PITPNA: variants seen among roughly 807,000 people sequenced by gnomAD.
The protein encoded by PITPNA is phosphatidylinositol transfer protein alpha.
A neutral mutation model predicts 50.3 loss-of-function variants in PITPNA; 13 were observed. That is an observed-to-expected ratio of 0.26 (90% confidence interval 0.17 to 0.41). The LOEUF is 0.41. Among genes scored for constraint, PITPNA ranks in the 10% least tolerant of loss-of-function variants. The pLI, the probability that PITPNA is intolerant of heterozygous loss-of-function variation, is 1.00. For synonymous variants in PITPNA, 120 were observed against 119.6 expected, an observed-to-expected ratio of 1.00 and a Z score of -0.02; for missense variants, 207 against 333.4, an observed-to-expected ratio of 0.62 and a Z score of 2.95.
At chr17:1,521,711 C>G in intron 10 of PITPNA, 66 bp from the exon 11 acceptor site, 1 of 1,372,596 alleles carries the variant, frequency 7.3e-7, no homozygotes, top group Non-Finnish European at 1.0e-6. Flanking sequence ...CCTTCTCAGT[C>G]CTGCCCATAG....
intron 10 of PITPNA, among the ~76,000 whole-genome samples, chr17:1,529,086 C>T (rs1206082971): frequency 1.8e-4 from 25 of 142,126 alleles, no homozygotes; most frequent in African/African-American, 5.5e-4. Flanking sequence ...TGCAGTGAGC[C>T]GAGATTGCGC....
At chr17:1,534,522 G>A (rs2075603344) in intron 9 of PITPNA, among the ~76,000 whole-genome samples, 1 of 152,162 alleles carries the variant, frequency 6.6e-6, no homozygotes, top group African/African-American at 2.4e-5. Flanking sequence ...GGCAAGCCAA[G>A]GGCCCCAAAC....
At chr17:1,532,197 C>T (rs2075587336) in intron 10 of PITPNA, among the ~76,000 whole-genome samples, 1 of 152,172 alleles carries the variant, frequency 6.6e-6, no homozygotes, top group Non-Finnish European at 1.5e-5. Flanking sequence ...AAGCGATTCT[C>T]CTGCCTCAGC....
chr17:1,553,594 C>T lies in PITPNA; in HGVS notation c.52-445G>A, dbSNP rs540762042. On this transcript the variant is annotated intron_variant, in intron 2 of 11. Coordinates refer to ENST00000313486, the MANE Select transcript of PITPNA (RefSeq NM_006224.4). ...GAGTCTACTTAACCTGACACCACCA[C>T]GCAGAAAACAGATTAGAGTCCAAAG... is the stretch of plus-strand genomic sequence containing the variant. Among the ~76,000 whole-genome samples, 7 of 152,214 alleles carry T rather than the reference C, an allele frequency of 4.6e-5. No homozygotes were observed. The South Asian group carries it at 8.3e-4, about 18-fold the overall frequency.
At position 1,543,012 on chromosome 17, in the gene PITPNA, A is replaced by G. The variant is rs1419892353; in HGVS notation, c.297+8T>C. The G allele has an allele frequency of 6.3e-7, 1 of 1,585,214 alleles. No individual in the cohort carries two copies. The highest frequency in any genetic ancestry group is 2.2e-5 in the East Asian group (1 of 44,782). On this transcript the variant is annotated splice_region_variant and intron_variant, in intron 5 of 11. Transcript: ENST00000313486. Reference sequence around the variant, plus strand: ...ATCTACAGTTCCAACCCCCTTGACAATACTTACTGTAATAACTGCTCCGAG... The same window carrying G: ...ATCTACAGTTCCAACCCCCTTGACAGTACTTACTGTAATAACTGCTCCGAG...
At chr17:1,561,172 G>C (rs79013565) in intron 1 of PITPNA, 1 of 151,982 alleles carries the variant, frequency 6.6e-6, no homozygotes, top group Non-Finnish European at 1.5e-5. Flanking sequence ...CTCCTCTTTG[G>C]GGAGAAAAAT....
In PITPNA at chr17:1,519,753, G is replaced by A; in HGVS notation, c.*808C>T. 1 of 152,536 alleles carries A rather than the reference G, an allele frequency of 6.6e-6. No individual in the cohort carries two copies. The highest frequency in any genetic ancestry group is 2.1e-4 in the South Asian group (1 of 4,816). 9.4% of individuals were successfully genotyped at this position (152,536 alleles called of 1,614,324 possible). On this transcript the variant is annotated 3_prime_UTR_variant, in exon 12 of 12. Transcript: ENST00000313486. ...GTCAGACAGTTGGTATCTAGGGGGTGACTCAATTCTAGGGGCCACACTGGA... is the reference window on the plus strand; with the variant it reads ...GTCAGACAGTTGGTATCTAGGGGGTAACTCAATTCTAGGGGCCACACTGGA...
At chr17:1,557,381 G>A (rs1209797718) in intron 2 of PITPNA, among the ~76,000 whole-genome samples, 2 of 152,234 alleles carry the variant, frequency 1.3e-5, no homozygotes, top group African/African-American at 2.4e-5. Context: ...TGGGAACAGA[G>A]TGGAAGTTAT....
At chr17:1,553,653 G>A (rs1484362186) in intron 2 of PITPNA, among the ~76,000 whole-genome samples, 2 of 152,148 alleles carry the variant, frequency 1.3e-5, no homozygotes, top group Non-Finnish European at 2.9e-5. Context: ...CTGGTATTAA[G>A]ACCCCAGAAG....
At position 1,548,280 on chromosome 17, in the gene PITPNA, C is replaced by T. The variant is rs377213145; in HGVS notation, c.289+16G>A. The T allele has an allele frequency of 6.6e-5, 103 of 1,565,496 alleles. No individual in the cohort carries two copies. In the East Asian group the frequency reaches 1.2e-3, roughly 19 times the overall value. On this transcript the variant is annotated intron_variant, in intron 4 of 11. Coordinates refer to ENST00000313486, the MANE Select transcript of PITPNA (RefSeq NM_006224.4). Reference sequence around the variant, plus strand: ...GCCCGCCCCTGCCTGGCCGACGTGGCCCCGGCTGCACTCACCGGTTCTGCA... The same window carrying T: ...GCCCGCCCCTGCCTGGCCGACGTGGTCCCGGCTGCACTCACCGGTTCTGCA...
intron 10 of PITPNA, among the ~76,000 whole-genome samples, chr17:1,533,728 G>A (rs911158016): frequency 6.6e-6 from 1 of 152,178 alleles, no homozygotes; most frequent in African/African-American, 2.4e-5. Context: ...TGGGTAATGT[G>A]CATGGTATTC....
At chr17:1,533,562 C>G (rs2075596800) in intron 10 of PITPNA, among the ~76,000 whole-genome samples, 1 of 152,186 alleles carries the variant, frequency 6.6e-6, no homozygotes, top group Non-Finnish European at 1.5e-5. Context: ...ATGAGAAGTG[C>G]TGGGTCTTTA....
chr17:1,528,032 A>T (rs978565608), intron 10 of PITPNA, among the ~76,000 whole-genome samples: 12 of 152,216 alleles, frequency 7.9e-5, no homozygotes, highest in Non-Finnish European at 1.8e-4. Context: ...AATTAAAAAA[A>T]TTTTAAAAAT....
chr17:1,554,595 A>C (rs546933084), intron 2 of PITPNA, among the ~76,000 whole-genome samples: 1 of 152,112 alleles, frequency 6.6e-6, no homozygotes, highest in African/African-American at 2.4e-5. Context: ...GGCAACTGCT[A>C]CTTAAATCAC....
chr17:1,553,971 T>C (rs2075722482), intron 2 of PITPNA, among the ~76,000 whole-genome samples: 1 of 152,200 alleles, frequency 6.6e-6, no homozygotes, highest in Non-Finnish European at 1.5e-5. Context: ...ACCCTCTGTG[T>C]TGGCACTTAC....
chr17:1,558,634 A>G (rs2075751521), intron 1 of PITPNA, 75 bp from the exon 2 acceptor site: 1 of 1,037,186 alleles, frequency 9.6e-7, no homozygotes, highest in Non-Finnish European at 1.5e-6. Flanking sequence ...CATCATCCTA[A>G]AACAGTCAGC....
intron 4 of PITPNA, among the ~76,000 whole-genome samples, chr17:1,544,235 T>C (rs987751441): frequency 7.9e-5 from 12 of 152,236 alleles, no homozygotes; most frequent in African/African-American, 2.9e-4. Flanking sequence ...ATTCTGATTA[T>C]AATTTGGTTT....
intron 7 of PITPNA, among the ~76,000 whole-genome samples, chr17:1,536,487 C>T (rs1039489169): frequency 1.3e-5 from 2 of 152,008 alleles, no homozygotes; most frequent in Non-Finnish European, 2.9e-5. Context: ...GACGGGGTTT[C>T]ACCGTGTTAG....
intron 10 of PITPNA, among the ~76,000 whole-genome samples, chr17:1,528,629 T>C (rs1013156664): frequency 1.3e-5 from 2 of 151,834 alleles, no homozygotes; most frequent in Non-Finnish European, 2.9e-5. Context: ...CCTAGCTACT[T>C]AGGAGCTTAA....
Sources: gnomAD v4.1 joint callset for allele counts (sites outside exome capture counted in the v4.1 genomes callset) on GRCh38, gnomAD v4.1.1 for gene constraint, MANE v1.5 for transcripts, NCBI Gene and HGNC (gene_info 2026-07-23, HGNC 2026-07-21) for gene names.